The following CCDC92 variants were observed in gnomAD, a reference collection of about 807,000 sequenced individuals.
The protein encoded by CCDC92 is coiled-coil domain-containing protein 92.
Under a neutral mutation model 24.9 loss-of-function variants are expected in CCDC92, and 12 were observed. The ratio of observed to expected loss-of-function variants is 0.48; its 90% confidence interval spans 0.31 to 0.78. The LOEUF (loss-of-function observed/expected upper bound fraction) is 0.78, where lower values mean the gene tolerates loss of function less well. Among genes scored for constraint, CCDC92 ranks in the 30% least tolerant of loss-of-function variants. CCDC92 has a pLI of 0.05. For missense variants in CCDC92, 399 were observed against 439.4 expected, an observed-to-expected ratio of 0.91 and a Z score of 0.82; for synonymous variants, 193 against 196.3, an observed-to-expected ratio of 0.98 and a Z score of 0.14.
intron 1 of CCDC92, among the ~76,000 whole-genome samples, chr12:123,952,161 A>C (rs1325108011): frequency 6.6e-6 from 1 of 152,216 alleles, no homozygotes; most frequent in Non-Finnish European, 1.5e-5. Flanking sequence ...TGTTAGCTAT[A>C]TTATTTTTAT....
At chr12:123,956,309 G>A (rs2138094677) in intron 1 of CCDC92, 1 of 152,148 alleles carries the variant, frequency 6.6e-6, no homozygotes, top group African/African-American at 2.4e-5. Flanking sequence ...TTTCCTAGAG[G>A]TTTTTTTCTG....
intron 4 of CCDC92, 68 bp downstream of exon 4, chr12:123,942,676 G>T: frequency 8.1e-7 from 1 of 1,238,748 alleles, no homozygotes; most frequent in Non-Finnish European, 1.2e-6. Flanking sequence ...TGTGACTAGT[G>T]AAAACGGCAC....
At chr12:123,948,031 G>GTT (rs1955925057) in intron 1 of CCDC92, among the ~76,000 whole-genome samples, 1 of 152,182 alleles carries the variant, frequency 6.6e-6, no homozygotes, top group African/African-American at 2.4e-5. Flanking sequence ...CTTAAGAGCT[G>GTT]TAACACTCAC....
Position 123,937,793 on chromosome 12 carries a change from T to C in CCDC92, c.261A>G (p.Arg87=). The C allele has an allele frequency of 6.2e-7, 1 of 1,612,486 alleles. No homozygotes were observed. The highest frequency in any genetic ancestry group is 8.5e-7 in the Non-Finnish European group (1 of 1,179,862). The change falls in exon 5 of 5, where the codon AGA becomes AGG. Residue 87 remains arginine (R), a synonymous_variant. Transcript: ENST00000238156. This position sits in a 1 kb window ranked among gnomAD's most constrained non-coding sequence, Gnocchi z 8.4. Reference sequence around the variant, plus strand: ...TCAGTTGGGCTTCCAGCTCTTCACATCTTTTCTTTAATTCACTGCTTTTAG... The same window carrying C: ...TCAGTTGGGCTTCCAGCTCTTCACACCTTTTCTTTAATTCACTGCTTTTAG... ...GTSKSSELKK[R]CEELEAQLKV...
At chr12:123,969,083 A>T (rs1212565877) in intron 1 of CCDC92, among the ~76,000 whole-genome samples, 1 of 152,236 alleles carries the variant, frequency 6.6e-6, no homozygotes, top group Non-Finnish European at 1.5e-5. Context: ...CACTTAATAC[A>T]TGTATTAGAT....
intron 1 of CCDC92, chr12:123,971,414 G>C (rs1311883434): frequency 7.2e-6 from 1 of 138,114 alleles, no homozygotes; most frequent in Non-Finnish European, 1.5e-5. Flanking sequence ...GGGAATTCTT[G>C]ATGAGCAAAA....
intron 1 of CCDC92, chr12:123,971,917 G>A (rs1461383927): frequency 1.3e-5 from 2 of 152,462 alleles, no homozygotes; most frequent in African/African-American, 4.8e-5. Flanking sequence ...AGGACGGGAG[G>A]CGATACAACT....
chr12:123,948,725 C>T (rs1046335898), intron 1 of CCDC92, among the ~76,000 whole-genome samples: 2 of 152,226 alleles, frequency 1.3e-5, no homozygotes, highest in African/African-American at 4.8e-5. Context: ...CTGAATAAGG[C>T]AGGTCCACTT....
Position 123,937,966 on chromosome 12 carries a change from G to A in CCDC92, c.224-136C>T. ...GGGCCATGCAGAAGGCAGGGCTGTG[G>A]GGGCTCTGGAAAGACCCCTCCCCTC... On this transcript the variant is annotated intron_variant, in intron 4 of 4. Coordinates refer to ENST00000238156, the MANE Select transcript of CCDC92 (RefSeq NM_025140.3). This position sits in a 1 kb window ranked among gnomAD's most constrained non-coding sequence, Gnocchi z 8.4. 2.3e-6 allele frequency: 2 copies of A among 888,082 alleles called. No homozygotes were observed. Among genetic ancestry groups the A allele is most frequent in the Admixed American group, 2.6e-5 (1 of 37,818 alleles). 55.0% of individuals were successfully genotyped at this position (888,082 alleles called of 1,614,324 possible).
At chr12:123,948,960 G>A (rs569280542) in intron 1 of CCDC92, among the ~76,000 whole-genome samples, 1 of 152,304 alleles carries the variant, frequency 6.6e-6, no homozygotes, top group East Asian at 1.9e-4. Flanking sequence ...AGCCACCGAG[G>A]CATCCTGTTT....
At chr12:123,966,793 C>T (rs1956402682) in intron 1 of CCDC92, among the ~76,000 whole-genome samples, 3 of 152,226 alleles carry the variant, frequency 2.0e-5, no homozygotes, top group Non-Finnish European at 4.4e-5. Context: ...GCTCTAACCA[C>T]AGCCTGCTAA....
intron 1 of CCDC92, among the ~76,000 whole-genome samples, chr12:123,964,030 G>A (rs886765326): frequency 6.6e-6 from 1 of 152,100 alleles, no homozygotes; most frequent in Non-Finnish European, 1.5e-5. Flanking sequence ...AGGTTCCATG[G>A]TCACCAGGAA....
intron 1 of CCDC92, among the ~76,000 whole-genome samples, chr12:123,953,129 C>T (rs1956066249): frequency 6.6e-6 from 1 of 151,794 alleles, no homozygotes; most frequent in Non-Finnish European, 1.5e-5. Flanking sequence ...CATCCAAATG[C>T]GGAAACTTTG....
chr12:123,943,033 C>T (rs1024466695), intron 3 of CCDC92, among the ~76,000 whole-genome samples: 1 of 152,194 alleles, frequency 6.6e-6, no homozygotes, highest in Non-Finnish European at 1.5e-5. Context: ...ATATCCCAAC[C>T]ATCCAAACCA....
At chr12:123,967,121 G>T (rs906599046) in intron 1 of CCDC92, among the ~76,000 whole-genome samples, 3 of 152,046 alleles carry the variant, frequency 2.0e-5, no homozygotes, top group African/African-American at 7.2e-5. Context: ...TTCCTCACTT[G>T]AAATCACATT....
At chr12:123,948,495 C>T (rs1289478595) in intron 1 of CCDC92, among the ~76,000 whole-genome samples, 1 of 152,214 alleles carries the variant, frequency 6.6e-6, no homozygotes, top group South Asian at 2.1e-4. Flanking sequence ...GGAGAAGAAA[C>T]GGCAGGCGAG....
chr12:123,937,931 T>A lies in CCDC92; in HGVS notation c.224-101A>T. On this transcript the variant is annotated intron_variant, in intron 4 of 4. Transcript: ENST00000238156. This position sits in a 1 kb window ranked among gnomAD's most constrained non-coding sequence, Gnocchi z 8.4. The stretch of plus-strand genomic sequence containing the variant: ...GGACCTGTCTGGTGGGGGCCCTGTC[T>A]AGGCTGTGGGGGCCATGCAGAAGGC... 1 of 1,236,162 alleles carries A rather than the reference T, an allele frequency of 8.1e-7. No individual in the cohort carries two copies. Among genetic ancestry groups the A allele is most frequent in the Non-Finnish European group, 1.1e-6 (1 of 891,422 alleles). The allele number at this position is 1,236,162 out of a possible 1,614,324, so 76.6% of individuals were successfully genotyped here. A position where few individuals can be genotyped will look rare whatever the true frequency, so the allele number is the denominator to read the frequency against.
At chr12:123,969,670 C>T (rs1233552653) in intron 1 of CCDC92, among the ~76,000 whole-genome samples, 1 of 151,730 alleles carries the variant, frequency 6.6e-6, no homozygotes, top group Non-Finnish European at 1.5e-5. Flanking sequence ...CACCATGTTG[C>T]TCAGGATGGT....
At position 123,944,286 on chromosome 12, in the gene CCDC92, G is replaced by A. The variant is rs143890190; in HGVS notation, c.20C>T (p.Ser7Leu). The A allele has an allele frequency of 9.4e-6, 15 of 1,594,552 alleles. No individual in the cohort carries two copies. The African/African-American group carries it at 1.4e-4, about 14-fold the overall frequency. Residue 7 changes from serine to leucine, a missense_variant, in exon 2 of 5, where the codon TCG becomes TTG. Transcript: ENST00000238156. Reference protein sequence around the residue: MTSPHFSSYDEGPLDVS... With the variant: MTSPHFLSYDEGPLDVS... ...CCAGACTCTACCTTCATCGTAACTC[G>A]AGAAATGTGGTGAAGTCATGGGTCT... is the stretch of plus-strand genomic sequence containing the variant.
Sources: gnomAD v4.1 joint callset for allele counts (sites outside exome capture counted in the v4.1 genomes callset) on GRCh38, gnomAD v4.1.1 for gene constraint, Gnocchi (gnomAD v3.1) non-coding constraint, MANE v1.5 for transcripts, NCBI Gene and HGNC (gene_info 2026-07-23, HGNC 2026-07-21) for gene names.